KCNQ1: variants seen among roughly 807,000 people sequenced by gnomAD.
KCNQ1 encodes the protein potassium voltage-gated channel subfamily KQT member 1.
In KCNQ1, 49 loss-of-function variants were observed where a neutral mutation model predicts 72.4. The observed-to-expected ratio is 0.68, with a 90% CI of 0.54 to 0.86. The LOEUF (loss-of-function observed/expected upper bound fraction) is 0.86. Among genes scored for constraint, KCNQ1 ranks in the 40% least tolerant of loss-of-function variants. The pLI is 0.00. For synonymous variants in KCNQ1, 450 were observed against 412.6 expected, an observed-to-expected ratio of 1.09 and a Z score of -1.10; for missense variants, 790 against 945.1, an observed-to-expected ratio of 0.84 and a Z score of 2.15.
In KCNQ1 at chr11:2,516,992, A is replaced by G. The variant is rs1847298747; in HGVS notation, c.387-10936A>G. On this transcript the variant is annotated intron_variant, in intron 1 of 15. Coordinates refer to ENST00000155840, the MANE Select transcript of KCNQ1 (RefSeq NM_000218.3). The surrounding 1 kb of genome is among the most constrained non-coding windows in gnomAD (Gnocchi z 7.0). ...GAAGGGCTTTGACGTGACACTCGGG[A>G]TGGCATGGCAGGGCCCTCAAGCACG... is the stretch of plus-strand genomic sequence containing the variant. Among the ~76,000 whole-genome samples the G allele has an allele frequency of 6.6e-6, 1 of 152,034 alleles. No individual in the cohort carries two copies. Among genetic ancestry groups the G allele is most frequent in the African/African-American group, 2.4e-5 (1 of 41,404 alleles).
In KCNQ1 at chr11:2,642,757, A is replaced by G. The variant is rs1849599814; in HGVS notation, c.1394-19204A>G. On this transcript the variant is annotated intron_variant, in intron 10 of 15. Coordinates refer to ENST00000155840, the MANE Select transcript of KCNQ1 (RefSeq NM_000218.3). This position sits in a 1 kb window ranked among gnomAD's most constrained non-coding sequence, Gnocchi z 4.3. The stretch of plus-strand genomic sequence containing the variant: ...CTGGTTCCTTCAGGTGTATCATTAG[A>G]TTATTTAAGATCTTTTCTACCTTTT... 2.5e-6 allele frequency: 1 copy of G among 397,398 alleles called. No homozygotes were observed. The highest frequency in any genetic ancestry group is 4.4e-6 in the Non-Finnish European group (1 of 225,558). The allele number at this position is 397,398 out of a possible 1,614,324, so 24.6% of individuals were successfully genotyped here.
At chr11:2,820,538 A>G (rs1401441307) in intron 15 of KCNQ1, among the ~76,000 whole-genome samples, 1 of 143,454 alleles carries the variant, frequency 7.0e-6, no homozygotes, top group East Asian at 2.0e-4. Flanking sequence ...GAGTTCTGCG[A>G]CTCCTCCACC....
intron 11 of KCNQ1, among the ~76,000 whole-genome samples, chr11:2,744,603 A>T (rs1846108568): frequency 6.6e-6 from 1 of 152,192 alleles, no homozygotes; most frequent in Non-Finnish European, 1.5e-5. Flanking sequence ...GGCCCTGGGG[A>T]TAAAAAAGAG....
intron 15 of KCNQ1, among the ~76,000 whole-genome samples, chr11:2,807,434 A>C (rs551365847): frequency 6.6e-6 from 1 of 152,304 alleles, no homozygotes; most frequent in East Asian, 1.9e-4. Flanking sequence ...CGGTCGCTGC[A>C]CTGGGCCTCC....
At chr11:2,591,714 G>A (rs892760755) in intron 10 of KCNQ1, among the ~76,000 whole-genome samples, 2 of 152,210 alleles carry the variant, frequency 1.3e-5, no homozygotes, top group African/African-American at 4.8e-5. Context: ...GTTAATGAGG[G>A]GCAAGTGCGG....
intron 1 of KCNQ1, among the ~76,000 whole-genome samples, chr11:2,502,079 A>T (rs1589915757): frequency 6.6e-6 from 1 of 152,340 alleles, no homozygotes; most frequent in African/African-American, 2.4e-5. Flanking sequence ...ACAGACCCAC[A>T]GCTAGTAACA....
At chr11:2,525,834 T>G (rs1197871788) in intron 1 of KCNQ1, among the ~76,000 whole-genome samples, 1 of 151,692 alleles carries the variant, frequency 6.6e-6, no homozygotes, top group East Asian at 1.9e-4. Context: ...ATGAAGGAAG[T>G]CCCACGGGGC....
intron 15 of KCNQ1, among the ~76,000 whole-genome samples, chr11:2,780,676 G>A (rs529187940): frequency 1.3e-5 from 2 of 152,326 alleles, no homozygotes; most frequent in Non-Finnish European, 2.9e-5. Context: ...CAGCTGGCTG[G>A]CACCCCTCCA....
intron 10 of KCNQ1, among the ~76,000 whole-genome samples, chr11:2,606,010 G>A (rs552988680): frequency 3.0e-4 from 46 of 152,038 alleles, no homozygotes; most frequent in African/African-American, 1.1e-3. Context: ...TTATTCCCAA[G>A]GTATTTTATT....
chr11:2,453,101 C>T lies in KCNQ1; in HGVS notation c.386+7617C>T, dbSNP rs117558411. 3.8e-3 allele frequency among the ~76,000 whole-genome samples: 582 copies of T among 152,316 alleles called. 1 individual carries two copies. The highest frequency in any genetic ancestry group is 6.8e-3 in the Middle Eastern group (2 of 294). ...AGAAAGAAGCAACCTTGGCTGGGTG[C>T]GGTGGCTCACGCCTGTAATCCCAGC... On this transcript the variant is annotated intron_variant, in intron 1 of 15. Coordinates refer to ENST00000155840, the MANE Select transcript of KCNQ1 (RefSeq NM_000218.3).
At chr11:2,633,547 A>G in intron 10 of KCNQ1, 1 of 398,500 alleles carries the variant, frequency 2.5e-6, no homozygotes, top group Non-Finnish European at 4.4e-6. Context: ...ATTTTTTTAT[A>G]TGCTGAGAGA....
At position 2,785,393 on chromosome 11, in the gene KCNQ1, T is replaced by C. The variant is rs1365521036; in HGVS notation, c.1794+7356T>C. ...TGATGCTGGATTTGGTTTGCTAATATTTTGTTAAGAATGTTTGTGTCTTCA... is the reference window on the plus strand; with the variant it reads ...TGATGCTGGATTTGGTTTGCTAATACTTTGTTAAGAATGTTTGTGTCTTCA... On this transcript the variant is annotated intron_variant, in intron 15 of 15. Transcript: ENST00000155840. The surrounding 1 kb of genome is among the most constrained non-coding windows in gnomAD (Gnocchi z 4.4). Among the ~76,000 whole-genome samples, 1 of 151,890 alleles carries C rather than the reference T, an allele frequency of 6.6e-6. No individual in the cohort carries two copies. The highest frequency in any genetic ancestry group is 2.4e-5 in the African/African-American group (1 of 41,430).
chr11:2,762,804 C>G lies in KCNQ1; in HGVS notation c.1515-6040C>G, dbSNP rs1446984415. The stretch of plus-strand genomic sequence containing the variant: ...CAGTTTCATCCTGAAACCATCTCCC[C>G]CCACCCCACCCCGTCCACGGAAAAA... On this transcript the variant is annotated intron_variant, in intron 11 of 15. Transcript: ENST00000155840. This position sits in a 1 kb window ranked among gnomAD's most constrained non-coding sequence, Gnocchi z 4.3. Among the ~76,000 whole-genome samples the G allele has an allele frequency of 6.6e-6, 1 of 152,166 alleles. No individual in the cohort carries two copies. The highest frequency in any genetic ancestry group is 1.5e-5 in the Non-Finnish European group (1 of 68,022).
At chr11:2,521,607 C>G (rs1847383908) in intron 1 of KCNQ1, 1 of 461,264 alleles carries the variant, frequency 2.2e-6, no homozygotes, top group Non-Finnish European at 4.6e-6. Flanking sequence ...AGCTGGAGTT[C>G]TAAGGGCACC....
At chr11:2,472,368 A>G (rs993757198) in intron 1 of KCNQ1, among the ~76,000 whole-genome samples, 1 of 148,220 alleles carries the variant, frequency 6.7e-6, no homozygotes, top group African/African-American at 2.5e-5. Context: ...GTGTGTACCT[A>G]TGTCTGTATA....
intron 15 of KCNQ1, among the ~76,000 whole-genome samples, chr11:2,833,506 C>G (rs917233862): frequency 6.6e-6 from 1 of 152,238 alleles, no homozygotes; most frequent in Non-Finnish European, 1.5e-5. Flanking sequence ...GGCACGTGGA[C>G]CTGGGAGCCA....
chr11:2,452,908 G>A (rs1343513500), intron 1 of KCNQ1, among the ~76,000 whole-genome samples: 1 of 152,154 alleles, frequency 6.6e-6, no homozygotes, highest in African/African-American at 2.4e-5. Context: ...AAAGTGACCA[G>A]ACTGCACCCA....
At chr11:2,632,328 A>T (rs1285552389) in intron 10 of KCNQ1, 15 of 398,370 alleles carry the variant, frequency 3.8e-5, no homozygotes, top group Non-Finnish European at 5.8e-5. Context: ...AACAAACATA[A>T]TTTTAATTCT....
At position 2,621,223 on chromosome 11, in the gene KCNQ1, G is replaced by A. The variant is rs951343025; in HGVS notation, c.1393+32369G>A. 10 of 397,244 alleles carry A rather than the reference G, an allele frequency of 2.5e-5. No homozygotes were observed. Among genetic ancestry groups the A allele is most frequent in the African/African-American group, 1.6e-4 (8 of 48,502 alleles). 24.6% of individuals were successfully genotyped at this position (397,244 alleles called of 1,614,324 possible). On this transcript the variant is annotated intron_variant, in intron 10 of 15. Transcript: ENST00000155840. This position sits in a 1 kb window ranked among gnomAD's most constrained non-coding sequence, Gnocchi z 5.7. ...GAATACCTGACCCCAGATGATCCAC[G>A]CACCTCAGCCTCCCAAAGTGCTAGG...
Sources: gnomAD v4.1 joint callset for allele counts (sites outside exome capture counted in the v4.1 genomes callset) on GRCh38, gnomAD v4.1.1 for gene constraint, Gnocchi (gnomAD v3.1) non-coding constraint, MANE v1.5 for transcripts, NCBI Gene and HGNC (gene_info 2026-07-23, HGNC 2026-07-21) for gene names.